TNFRSF8: variants seen among roughly 807,000 people sequenced by gnomAD.
TNFRSF8 encodes the protein tumor necrosis factor receptor superfamily member 8.
In TNFRSF8, 26 loss-of-function variants were observed where a neutral mutation model predicts 70.8. The ratio of observed to expected loss-of-function variants is 0.37; its 90% CI spans 0.27 to 0.51. The LOEUF is 0.51. TNFRSF8 is among the 20% of genes least tolerant of loss of function. TNFRSF8 has a pLI of 0.94. For missense variants in TNFRSF8, 720 were observed against 807.9 expected (o/e 0.89, Z 1.32); for synonymous variants, 356 against 339.2 (o/e 1.05, Z -0.54).
chr1:12,116,083 G>A (rs1486720298), intron 8 of TNFRSF8, among the ~76,000 whole-genome samples: 1 of 152,160 alleles, frequency 6.6e-6, no homozygotes, highest in Non-Finnish European at 1.5e-5. Context: ...CTGGGTTCAA[G>A]CAATTCTCCT....
intron 2 of TNFRSF8, among the ~76,000 whole-genome samples, chr1:12,096,388 C>T (rs996822670): frequency 7.0e-6 from 1 of 141,960 alleles, no homozygotes; most frequent in African/African-American, 2.6e-5. Context: ...TTTAGTCTAA[C>T]ACTAAGGATA....
chr1:12,142,346 C>T lies in TNFRSF8; in HGVS notation c.1603C>T (p.Pro535Ser). Residue 535 changes from proline to serine, a missense_variant, in exon 15 of 15, where the codon CCG becomes TCG. Physicochemically the swap from Pro to Ser is moderately conservative, Grantham distance 74. Transcript: ENST00000263932. This position sits in a 1 kb window ranked among gnomAD's most constrained non-coding sequence, Gnocchi z 5.0. ...CGTGGGGACCGTGAAGGCTGAGCTG[C>T]CGGAGGGCCGGGGCCTGGCGGGGCC... Reference protein sequence around the residue: ...VIVGTVKAELPEGRGLAGPAE... With the variant: ...VIVGTVKAELSEGRGLAGPAE... The T allele has an allele frequency of 6.2e-7, 1 of 1,606,912 alleles. No homozygotes were observed. The highest frequency in any genetic ancestry group is 2.2e-5 in the East Asian group (1 of 44,716).
At position 12,141,177 on chromosome 1, in the gene TNFRSF8, G is replaced by T. The variant is rs931384735; in HGVS notation, c.1544-1110G>T. Among the ~76,000 whole-genome samples, 1 of 151,918 alleles carries T rather than the reference G, an allele frequency of 6.6e-6. No homozygotes were observed. ...GAACCTTTTTGGGGTTCCTGAATCC[G>T]AGGGGTATAACTGCATTACCCAGAA... On this transcript the variant is annotated intron_variant, in intron 14 of 14. Coordinates refer to ENST00000263932, the MANE Select transcript of TNFRSF8 (RefSeq NM_001243.5). The surrounding 1 kb of genome is among the most constrained non-coding windows in gnomAD (Gnocchi z 5.4).
chr1:12,072,937 G>A (rs932970169), intron 1 of TNFRSF8, among the ~76,000 whole-genome samples: 6 of 152,198 alleles, frequency 3.9e-5, no homozygotes, highest in Admixed American at 3.9e-4. Context: ...CAAACGGTCT[G>A]GGGGGCATGT....
chr1:12,127,074 G>A (rs1481155346), intron 12 of TNFRSF8, among the ~76,000 whole-genome samples: 1 of 152,184 alleles, frequency 6.6e-6, no homozygotes, highest in African/African-American at 2.4e-5. Context: ...AGGCAGGGTC[G>A]TCTATACAGC....
In TNFRSF8 at chr1:12,109,596, C is replaced by A. The variant is rs748264573; in HGVS notation, c.452C>A (p.Pro151Gln). ...GCGCAGAAGAACACGGTCTGTGAGC[C>A]GGCTTCCCCAGGGGTCAGCCCTGCC... ...GTAQKNTVCE[P>Q]ASPGVSPACA... Residue 151 changes from proline to glutamine, a missense_variant, in exon 5 of 15, where the codon CCG (proline) becomes CAG (glutamine). Physicochemically the swap from Pro to Gln is moderately conservative, Grantham distance 76 (BLOSUM62 -1). Transcript: ENST00000263932. The surrounding 1 kb of genome is among the most constrained non-coding windows in gnomAD (Gnocchi z 4.4). 1.2e-6 allele frequency: 2 copies of A among 1,613,664 alleles called. No homozygotes were observed. The highest frequency in any genetic ancestry group is 2.2e-5 in the South Asian group (2 of 91,084).
intron 1 of TNFRSF8, among the ~76,000 whole-genome samples, chr1:12,066,570 C>T (rs1401809314): frequency 6.6e-6 from 1 of 152,114 alleles, no homozygotes; most frequent in East Asian, 1.9e-4. Flanking sequence ...CCAGGCTGGT[C>T]TTGAACTCCT....
Position 12,109,946 on chromosome 1 carries a change from G to A in TNFRSF8, c.513-95G>A. ...GCCAGAGGCAGTGGGCCAAGGGCCTGGGACCCCATCTCTGTGGAAACTGTT... is the reference window on the plus strand; with the variant it reads ...GCCAGAGGCAGTGGGCCAAGGGCCTAGGACCCCATCTCTGTGGAAACTGTT... On this transcript the variant is annotated intron_variant, in intron 5 of 14. Transcript: ENST00000263932. This position sits in a 1 kb window ranked among gnomAD's most constrained non-coding sequence, Gnocchi z 4.4. 2.7e-6 allele frequency: 4 copies of A among 1,463,048 alleles called. No individual in the cohort carries two copies. Among genetic ancestry groups the A allele is most frequent in the Non-Finnish European group, 3.7e-6 (4 of 1,074,590 alleles). 90.6% of individuals were successfully genotyped at this position (1,463,048 alleles called of 1,614,324 possible). A position where few individuals can be genotyped will look rare whatever the true frequency, so the allele number is the denominator to read the frequency against.
intron 10 of TNFRSF8, among the ~76,000 whole-genome samples, chr1:12,124,062 G>A (rs1252406030): frequency 1.3e-5 from 2 of 152,128 alleles, no homozygotes; most frequent in African/African-American, 2.4e-5. Context: ...GGAGGGCAGT[G>A]GCACCCATCT....
chr1:12,071,447 A>G (rs544753039), intron 1 of TNFRSF8, among the ~76,000 whole-genome samples: 1 of 152,158 alleles, frequency 6.6e-6, no homozygotes. Context: ...TCAAAAAAAG[A>G]AAAAAGTCTA....
chr1:12,073,071 T>C (rs1640875306), intron 1 of TNFRSF8, among the ~76,000 whole-genome samples: 1 of 152,158 alleles, frequency 6.6e-6, no homozygotes, highest in Non-Finnish European at 1.5e-5. Context: ...GAGGATCTCA[T>C]GAGCCCAGGA....
chr1:12,116,201 G>A lies in TNFRSF8; in HGVS notation c.946+472G>A, dbSNP rs1641726859. On this transcript the variant is annotated intron_variant, in intron 8 of 14. Transcript: ENST00000263932. ...TCTCCATGTTGGTCAGGCTGGTCTC[G>A]AACTCCCGACCTCAGGTGATCCACC... is the stretch of plus-strand genomic sequence containing the variant. Among the ~76,000 whole-genome samples the A allele has an allele frequency of 2.6e-5, 4 of 152,006 alleles. No individual in the cohort carries two copies. The South Asian group carries it at 8.3e-4, about 32-fold the overall frequency.
intron 12 of TNFRSF8, among the ~76,000 whole-genome samples, chr1:12,133,591 T>C: frequency 6.7e-6 from 1 of 149,892 alleles, no homozygotes; most frequent in Non-Finnish European, 1.5e-5. Flanking sequence ...AATACAAAAA[T>C]TAGCTGAGCA....
chr1:12,084,930 A>C (rs1193018548), intron 2 of TNFRSF8, among the ~76,000 whole-genome samples: 1 of 152,134 alleles, frequency 6.6e-6, no homozygotes, highest in Non-Finnish European at 1.5e-5. Context: ...GGGGCTTGGC[A>C]GGGTTAAGTT....
intron 12 of TNFRSF8, among the ~76,000 whole-genome samples, chr1:12,132,850 A>AG (rs1642073456): frequency 6.8e-6 from 1 of 146,660 alleles, no homozygotes. Context: ...AAAAAAAAAA[A>AG]AAAAAAAAAA....
intron 12 of TNFRSF8, among the ~76,000 whole-genome samples, chr1:12,134,386 A>C (rs1642107366): frequency 6.6e-6 from 1 of 152,236 alleles, no homozygotes; most frequent in African/African-American, 2.4e-5. Context: ...GACTTGCTCC[A>C]GGATGAGTTA....
chr1:12,109,646 G>T lies in TNFRSF8; in HGVS notation c.502G>T (p.Glu168Ter). Residue 168 changes from glutamate (E) to a stop codon, truncating the protein, a stop_gained, in exon 5 of 15, where the codon GAA becomes TAA. Transcript: ENST00000263932. LOFTEE classifies it high-confidence loss of function. This position sits in a 1 kb window ranked among gnomAD's most constrained non-coding sequence, Gnocchi z 4.4. ...PACASPENCK[E>*]PSSGTIPQAK... ...CTGTGCCAGCCCAGAGAACTGCAAG[G>T]AACCCTCCAGGTGACTCCCTGGCTT... is the stretch of plus-strand genomic sequence containing the variant. 1.2e-6 allele frequency: 2 copies of T among 1,613,594 alleles called. No individual in the cohort carries two copies. The highest frequency in any genetic ancestry group is 1.7e-6 in the Non-Finnish European group (2 of 1,179,854).
rs969445284 is a variant in TNFRSF8 at position 12,141,694 on chromosome 1, G to A, written c.1544-593G>A. ...CAGTAGTAGAACCAGGAATGTTCCC[G>A]GGCAAGCTGGACAAGTTGGTCACCC... is the stretch of plus-strand genomic sequence containing the variant. On this transcript the variant is annotated intron_variant, in intron 14 of 14. Transcript: ENST00000263932. The surrounding 1 kb of genome is among the most constrained non-coding windows in gnomAD (Gnocchi z 5.4). Among the ~76,000 whole-genome samples the A allele has an allele frequency of 6.6e-5, 10 of 152,218 alleles. No individual in the cohort carries two copies. The highest frequency in any genetic ancestry group is 1.9e-4 in the African/African-American group (8 of 41,456).
intron 13 of TNFRSF8, among the ~76,000 whole-genome samples, chr1:12,137,439 T>C (rs1642166703): frequency 1.3e-5 from 2 of 152,120 alleles, no homozygotes; most frequent in African/African-American, 4.8e-5. Context: ...TTACTCACAC[T>C]CACTCCATTT....
Sources: gnomAD v4.1 joint callset for allele counts (sites outside exome capture counted in the v4.1 genomes callset) on GRCh38, gnomAD v4.1.1 for gene constraint, Gnocchi (gnomAD v3.1) non-coding constraint, MANE v1.5 for transcripts, NCBI Gene and HGNC (gene_info 2026-07-23, HGNC 2026-07-21) for gene names.